Variants in THSD4 observed in about 807,000 individuals in gnomAD.
THSD4 encodes thrombospondin type-1 domain-containing protein 4.
THSD4 carries 69 observed loss-of-function variants against 119.0 expected under a neutral mutation model. The observed-to-expected ratio is 0.58, with a 90% CI of 0.48 to 0.71. THSD4 has a LOEUF of 0.71. Ranked by LOEUF, THSD4 falls within the 30% of genes least tolerant of loss-of-function variation. The pLI is 0.00. For missense variants in THSD4, 1,393 were observed against 1,391.1 expected, an observed-to-expected ratio of 1.00 and a Z score of -0.02; for synonymous variants, 524 against 540.4, an observed-to-expected ratio of 0.97 and a Z score of 0.42.
rs763377423 is a variant in THSD4 at position 71,411,721 on chromosome 15, G to C, written c.1050G>C (p.Gln350His). ...ATCGCAAATGTGAGTTGAACTGCCA[G>C]GCAATGGGCTACCGCTTCTATGTAC... Reference protein sequence around the residue: ...KGNRKCELNCQAMGYRFYVRQ... With the variant: ...KGNRKCELNCHAMGYRFYVRQ... Residue 350 changes from glutamine to histidine, a missense_variant, in exon 7 of 18, where the codon CAG (glutamine) becomes CAC (histidine). Gln to His is a conservative substitution (Grantham distance 24). Coordinates refer to ENST00000261862, the MANE Select transcript of THSD4 (RefSeq NM_024817.3). The C allele has an allele frequency of 6.2e-7, 1 of 1,614,076 alleles. No homozygotes were observed. Among genetic ancestry groups the C allele is most frequent in the Non-Finnish European group, 8.5e-7 (1 of 1,180,006 alleles).
At chr15:71,169,781 C>G (rs2043336116) in intron 3 of THSD4, among the ~76,000 whole-genome samples, 1 of 152,088 alleles carries the variant, frequency 6.6e-6, no homozygotes, top group Admixed American at 6.5e-5. Context: ...ATAAAATGTC[C>G]CCAGCTTACT....
chr15:71,587,620 T>G (rs2049698547), intron 7 of THSD4, among the ~76,000 whole-genome samples: 1 of 109,986 alleles, frequency 9.1e-6, no homozygotes, highest in Non-Finnish European at 2.0e-5. Context: ...CTGGGGACTG[T>G]GGTGGGGTCG....
intron 6 of THSD4, among the ~76,000 whole-genome samples, chr15:71,326,266 A>G (rs773288629): frequency 2.6e-5 from 4 of 152,166 alleles, no homozygotes; most frequent in Non-Finnish European, 4.4e-5. Flanking sequence ...TGAGGGGTCA[A>G]TGAGTAAACT....
intron 7 of THSD4, among the ~76,000 whole-genome samples, chr15:71,534,242 G>A (rs1166336991): frequency 1.3e-5 from 2 of 152,184 alleles, no homozygotes; most frequent in Non-Finnish European, 2.9e-5. Context: ...GAGCCACAGT[G>A]CCTGGCCAAA....
intron 6 of THSD4, among the ~76,000 whole-genome samples, chr15:71,407,930 C>T (rs922119829): frequency 6.6e-6 from 1 of 152,152 alleles, no homozygotes; most frequent in African/African-American, 2.4e-5. Flanking sequence ...ACAGTAGGAA[C>T]CACTGCTTTA....
At chr15:71,256,976 TGA>T (rs2044324945) in intron 6 of THSD4, among the ~76,000 whole-genome samples, 1 of 151,956 alleles carries the variant, frequency 6.6e-6, no homozygotes, top group African/African-American at 2.4e-5. Flanking sequence ...GATGGCAGGG[TGA>T]GGGGGACAGA....
At chr15:71,248,362 A>C (rs755230210) in intron 5 of THSD4, among the ~76,000 whole-genome samples, 26 of 151,918 alleles carry the variant, frequency 1.7e-4, no homozygotes, top group Non-Finnish European at 3.1e-4. Context: ...TCTCTTAGGG[A>C]CTCCGAATTC....
chr15:71,220,180 C>T (rs886217890), intron 4 of THSD4, among the ~76,000 whole-genome samples: 1 of 152,140 alleles, frequency 6.6e-6, no homozygotes, highest in African/African-American at 2.4e-5. Context: ...ACTGCCCACT[C>T]TGGGAGATGG....
chr15:71,441,338 G>GAGGCA (rs1566984093), intron 7 of THSD4, among the ~76,000 whole-genome samples: 7 of 152,108 alleles, frequency 4.6e-5, no homozygotes, highest in East Asian at 1.9e-4. Flanking sequence ...TGGGCAACAG[G>GAGGCA]GTTCGGGAGA....
intron 7 of THSD4, among the ~76,000 whole-genome samples, chr15:71,448,845 A>G (rs1284438075): frequency 1.3e-5 from 2 of 152,352 alleles, no homozygotes; most frequent in East Asian, 3.9e-4. Flanking sequence ...CCTGGTAGAA[A>G]CTGACAAATT....
intron 7 of THSD4, among the ~76,000 whole-genome samples, chr15:71,428,418 G>C (rs1402246829): frequency 6.6e-6 from 1 of 152,108 alleles, no homozygotes; most frequent in East Asian, 1.9e-4. Flanking sequence ...CAGTTATATT[G>C]ACATAGGCTC....
rs1479918082 is a variant in THSD4 at position 71,294,858 on chromosome 15, T to G, written c.1015+38143T>G. Among the ~76,000 whole-genome samples the G allele has an allele frequency of 5.3e-5, 8 of 151,176 alleles. No individual in the cohort carries two copies. The Admixed American group carries it at 5.3e-4, about 10-fold the overall frequency. ...CCCAATCCAGTATTTGATGCGTCGG[T>G]GGTCACTCGGAAGGTTGTTATTTTA... On this transcript the variant is annotated intron_variant, in intron 6 of 17. Transcript: ENST00000261862.
rs552923516 is a variant in THSD4, at chr15:71,331,450, T to A, written c.1015+74735T>A. Among the ~76,000 whole-genome samples, 74 of 152,248 alleles carry A rather than the reference T, an allele frequency of 4.9e-4. 1 individual carries two copies. Among genetic ancestry groups the A allele is most frequent in the African/African-American group, 1.8e-3 (73 of 41,522 alleles). On this transcript the variant is annotated intron_variant, in intron 6 of 17. Transcript: ENST00000261862. ...CAGCTGGCTCCAGCCCAGAACAGAT[T>A]AACTTTTATGAAATGATTGTCTCCA...
At chr15:71,712,128 A>G (rs1348712880) in intron 8 of THSD4, among the ~76,000 whole-genome samples, 1 of 152,214 alleles carries the variant, frequency 6.6e-6, no homozygotes, top group Non-Finnish European at 1.5e-5. Flanking sequence ...CAGACTTTAA[A>G]ATTTTTAATA....
At chr15:71,682,441 C>G (rs1346538638) in intron 8 of THSD4, among the ~76,000 whole-genome samples, 2 of 152,040 alleles carry the variant, frequency 1.3e-5, no homozygotes, top group African/African-American at 2.4e-5. Context: ...AGTGTCCCCT[C>G]TCTGTCACTA....
chr15:71,200,146 C>A (rs1285336661), intron 3 of THSD4, among the ~76,000 whole-genome samples: 1 of 152,084 alleles, frequency 6.6e-6, no homozygotes, highest in African/African-American at 2.4e-5. Flanking sequence ...GCGCAGCATG[C>A]TTCCCTTTCA....
At chr15:71,396,486 C>T (rs549104842) in intron 6 of THSD4, among the ~76,000 whole-genome samples, 26 of 152,288 alleles carry the variant, frequency 1.7e-4, no homozygotes, top group Admixed American at 1.6e-3. Context: ...CCAGAATTCC[C>T]TTCCCTGACT....
rs903829154 is a variant in THSD4, at chr15:71,418,376, A to G, written c.1152+6553A>G. ...GGCTTTTGGTTTTTCTCTATTCAGT[A>G]TGAAACTGGCTGTGGGTCTGTCATA... is the stretch of plus-strand genomic sequence containing the variant. On this transcript the variant is annotated intron_variant, in intron 7 of 17. Coordinates refer to ENST00000261862, the MANE Select transcript of THSD4 (RefSeq NM_024817.3). Among the ~76,000 whole-genome samples the G allele has an allele frequency of 2.8e-5, 3 of 108,560 alleles. 1 individual carries two copies. Among genetic ancestry groups the G allele is most frequent in the Non-Finnish European group, 6.1e-5 (3 of 49,286 alleles). 71.2% of individuals were successfully genotyped at this position (108,560 alleles called of 152,430 possible).
intron 3 of THSD4, among the ~76,000 whole-genome samples, chr15:71,164,166 T>C (rs1352856262): frequency 6.6e-6 from 1 of 150,592 alleles, no homozygotes; most frequent in Non-Finnish European, 1.5e-5. Flanking sequence ...ATATGCAGGG[T>C]GGGTAGACAA....
Sources: allele counts gnomAD v4.1 joint callset (sites outside exome capture counted in the v4.1 genomes callset), GRCh38; gene constraint gnomAD v4.1.1; transcripts MANE v1.5; gene names NCBI Gene and HGNC (gene_info 2026-07-23, HGNC 2026-07-21).